Variants in PODNL1 observed in about 807,000 individuals in gnomAD.
The protein encoded by PODNL1 is podocan like 1, also known as podocan-like protein 1.
A neutral mutation model predicts 45.1 loss-of-function variants in PODNL1; 50 were observed. The observed-to-expected ratio is 1.11, with a 90% CI of 0.88 to 1.40. PODNL1 has a LOEUF of 1.40. Ranked by LOEUF, PODNL1 falls within the 40% of genes most tolerant of loss-of-function variation. PODNL1 has a pLI of 0.00. For missense variants in PODNL1, 788 were observed against 793.3 expected (o/e 0.99, Z 0.08); for synonymous variants, 406 against 372.5 (o/e 1.09, Z -1.04).
At chr19:13,944,518 C>T (rs866362822) in intron 1 of PODNL1, among the ~76,000 whole-genome samples, 3 of 151,916 alleles carry the variant, frequency 2.0e-5, no homozygotes, top group Non-Finnish European at 1.5e-5. Flanking sequence ...AGTGCAGTGG[C>T]GGGATCTTTG....
intron 1 of PODNL1, among the ~76,000 whole-genome samples, chr19:13,944,977 T>C (rs774733762): frequency 6.2e-4 from 95 of 152,084 alleles, no homozygotes; most frequent in Non-Finnish European, 1.0e-3. Context: ...GATTTTACCA[T>C]ATTGGTCAGG....
intron 3 of PODNL1, 135 bp downstream of exon 3, chr19:13,936,232 C>T (rs144999444): frequency 0.017 from 17,054 of 1,024,804 alleles, 179 homozygotes; most frequent in Middle Eastern, 0.021. Flanking sequence ...TCCTGAGTTT[C>T]CATCCTGCTC....
intron 2 of PODNL1, 63 bp downstream of exon 2, chr19:13,937,722 T>C: frequency 6.8e-7 from 1 of 1,477,842 alleles, no homozygotes; most frequent in Non-Finnish European, 9.2e-7. Context: ...GGGGCACCCC[T>C]CCAGCTCCCC....
intron 1 of PODNL1, among the ~76,000 whole-genome samples, chr19:13,944,382 C>G (rs571593746): frequency 2.2e-4 from 34 of 151,534 alleles, no homozygotes; most frequent in Non-Finnish European, 4.0e-4. Context: ...CCAGGATGGT[C>G]TTGATCTCCT....
intron 8 of PODNL1, chr19:13,932,367 CT>C (rs940156745): frequency 1.5e-4 from 73 of 485,596 alleles, no homozygotes; most frequent in Middle Eastern, 5.4e-4. Flanking sequence ...TCTTTCATCA[CT>C]TTTTTTTTCA....
In PODNL1 at chr19:13,931,871, T is replaced by C. The variant is rs1435419117; in HGVS notation, c.1591A>G (p.Met531Val). The part of the protein sequence containing the change: ...ALFLRANRLH[M>V]TSIAAEAFLG... ...AAGGCCTCAGCCGCGATGCTCGTCATGTGAAGCCTGTTGGCCCTGCACAGA... is the reference window on the plus strand; with the variant it reads ...AAGGCCTCAGCCGCGATGCTCGTCACGTGAAGCCTGTTGGCCCTGCACAGA... The change falls in exon 10 of 10, where the codon ATG (methionine) becomes GTG (valine). Residue 531 changes from methionine (M) to valine (V), a missense_variant. Met to Val is a conservative substitution (Grantham distance 21, BLOSUM62 1). This residue lies in a region of PODNL1 where 762 missense variants were observed against 750.9 expected (regional missense o/e 1.01). Transcript: ENST00000588872. The C allele has an allele frequency of 1.6e-6, 2 of 1,231,912 alleles. No homozygotes were observed. Among genetic ancestry groups the C allele is most frequent in the Non-Finnish European group, 1.0e-6 (1 of 987,950 alleles). The allele number at this position is 1,231,912 out of a possible 1,614,324, so 76.3% of individuals were successfully genotyped here.
In PODNL1 at chr19:13,933,822, G is replaced by T; in HGVS notation, c.767+56C>A. ...GCCAGTCAGGGAAGGGGGACTGAAG[G>T]TTGGGACCCCCGACTGTAAATTCTC... On this transcript the variant is annotated intron_variant, in intron 7 of 9. Coordinates refer to ENST00000588872, the MANE Select transcript of PODNL1 (RefSeq NM_001370095.3). The surrounding 1 kb of genome is among the most constrained non-coding windows in gnomAD (Gnocchi z 5.2). 1 of 1,456,418 alleles carries T rather than the reference G, an allele frequency of 6.9e-7. No individual in the cohort carries two copies. Among genetic ancestry groups the T allele is most frequent in the Non-Finnish European group, 9.4e-7 (1 of 1,062,042 alleles). The allele number at this position is 1,456,418 out of a possible 1,614,324, so 90.2% of individuals were successfully genotyped here.
At chr19:13,942,237 G>A (rs1972677631), upstream of PODNL1, among the ~76,000 whole-genome samples, 2 of 152,146 alleles carry the variant, frequency 1.3e-5, no homozygotes, top group Admixed American at 6.6e-5. Context: ...AGGCACAGCT[G>A]GATCCAGGGG....
Position 13,931,302 on chromosome 19 carries a change from C to A in PODNL1, c.*435G>T. The A allele has an allele frequency of 6.1e-6, 1 of 163,802 alleles. No homozygotes were observed. Among genetic ancestry groups the A allele is most frequent in the Non-Finnish European group, 1.3e-5 (1 of 76,154 alleles). The allele number at this position is 163,802 out of a possible 1,614,324, so 10.1% of individuals were successfully genotyped here. ...GGCCTTGGGCGTCCCTGCAATCACA[C>A]GTGGCTAGGTCGCACAGGGTGCTGT... On this transcript the variant is annotated 3_prime_UTR_variant, in exon 10 of 10. Transcript: ENST00000588872.
In PODNL1 at chr19:13,933,507, G is replaced by T. The variant is rs776063589; in HGVS notation, c.768-52C>A. 4.6e-6 allele frequency: 7 copies of T among 1,505,550 alleles called. No individual in the cohort carries two copies. The highest frequency in any genetic ancestry group is 1.3e-5 in the South Asian group (1 of 76,746). 93.3% of individuals were successfully genotyped at this position (1,505,550 alleles called of 1,614,324 possible). ...GTGGGGCACTTGGAGTGGGGTGCCT[G>T]ACAGATTTTGGCGGGGAGGCTGGGG... On this transcript the variant is annotated intron_variant, in intron 7 of 9. Transcript: ENST00000588872. This position sits in a 1 kb window ranked among gnomAD's most constrained non-coding sequence, Gnocchi z 5.2.
chr19:13,939,307 G>A (rs1016806611), upstream of PODNL1, among the ~76,000 whole-genome samples: 1 of 152,182 alleles, frequency 6.6e-6, no homozygotes, highest in Non-Finnish European at 1.5e-5. Flanking sequence ...CACCTCCGGG[G>A]TTCAAGTGAT....
intron 5 of PODNL1, among the ~76,000 whole-genome samples, chr19:13,934,769 G>T (rs1972220572): frequency 6.6e-6 from 1 of 151,978 alleles, no homozygotes. Flanking sequence ...CTATGTGCCT[G>T]TGCATAAGTG....
chr19:13,938,070 C>A, intron 1 of PODNL1, 64 bp from the exon 2 acceptor site: 1 of 1,450,054 alleles, frequency 6.9e-7, no homozygotes, highest in South Asian at 1.3e-5. Flanking sequence ...GTGACTGGAG[C>A]ATCCCCTCCT....
chr19:13,936,440 G>A lies in PODNL1; in HGVS notation c.246C>T (p.Leu82=). The part of the protein sequence containing the change: ...LSLQNNQLQE[L]PYNELSRLSG... Reference sequence around the variant, plus strand: ...TGAGGCGGGACAGCTCATTGTAGGGGAGTTCCTGGAGCTGGTTGTTCTGCA... The same window carrying A: ...TGAGGCGGGACAGCTCATTGTAGGGAAGTTCCTGGAGCTGGTTGTTCTGCA... Residue 82 remains leucine, a synonymous_variant, in exon 3 of 10, where the codon CTC becomes CTT. Coordinates refer to ENST00000588872, the MANE Select transcript of PODNL1 (RefSeq NM_001370095.3). 1.2e-6 allele frequency: 2 copies of A among 1,613,346 alleles called. No homozygotes were observed. The highest frequency in any genetic ancestry group is 2.2e-5 in the South Asian group (2 of 91,064).
Position 13,931,831 on chromosome 19 carries a change from T to A in PODNL1, c.1631A>T (p.Asn544Ile). The part of the protein sequence containing the change: ...IAAEAFLGLP[N>I]LRVVDTAGNP... ...CCCTGCCGTGTCCACCACACGCAGG[T>A]TTGGGAGCCCCAGGAAGGCCTCAGC... The change falls in exon 10 of 10, where the codon AAC (asparagine) becomes ATC (isoleucine). Residue 544 changes from asparagine to isoleucine, a missense_variant. Coordinates refer to ENST00000588872, the MANE Select transcript of PODNL1 (RefSeq NM_001370095.3). 2.4e-6 allele frequency: 3 copies of A among 1,231,828 alleles called. No homozygotes were observed. Among genetic ancestry groups the A allele is most frequent in the Non-Finnish European group, 3.0e-6 (3 of 987,896 alleles). 76.3% of individuals were successfully genotyped at this position (1,231,828 alleles called of 1,614,324 possible). A position where few individuals can be genotyped will look rare whatever the true frequency, so the allele number is the denominator to read the frequency against.
rs190473101 is a variant in PODNL1 at position 13,932,124 on chromosome 19, G to C, written c.1426-12C>G. The C allele has an allele frequency of 1.2e-3, 1,534 of 1,234,722 alleles. 5 individuals are homozygous for C. The highest frequency in any genetic ancestry group is 3.4e-3 in the Middle Eastern group (11 of 3,210). The allele number at this position is 1,234,722 out of a possible 1,614,324, so 76.5% of individuals were successfully genotyped here. On this transcript the variant is annotated splice_polypyrimidine_tract_variant and intron_variant, in intron 8 of 9. Transcript: ENST00000588872. The stretch of plus-strand genomic sequence containing the variant: ...CTGAGGTCCAGCATCTGGGCAGGGG[G>C]TTATAGATGGCATCGTGGCAGCCCC...
chr19:13,937,801 T>C lies in PODNL1; in HGVS notation c.209A>G (p.Gln70Arg). 6.3e-7 allele frequency: 1 copy of C among 1,588,416 alleles called. No individual in the cohort carries two copies. The highest frequency in any genetic ancestry group is 2.3e-5 in the East Asian group (1 of 43,966). Reference sequence around the variant, plus strand: ...GGGCCCCACCTGCAGGGAGAGGTGCTGAGCGGCTCTGGTGATGTTGTCCGG... The same window carrying C: ...GGGCCCCACCTGCAGGGAGAGGTGCCGAGCGGCTCTGGTGATGTTGTCCGG... ...VFPDNITRAA[Q>R]HLSLQNNQLQ... The change falls in exon 2 of 10, where the codon CAG becomes CGG. Residue 70 changes from glutamine (Q) to arginine (R), a missense_variant. By Grantham distance (43) the Gln-to-Arg change is conservative. Coordinates refer to ENST00000588872, the MANE Select transcript of PODNL1 (RefSeq NM_001370095.3).
At chr19:13,951,527 C>T (rs1257760591) in intron 1 of PODNL1, among the ~76,000 whole-genome samples, 1 of 152,118 alleles carries the variant, frequency 6.6e-6, no homozygotes, top group African/African-American at 2.4e-5. Flanking sequence ...AATTCCAGCA[C>T]TTTGGGAGGC....
At chr19:13,944,059 C>T (rs369045893) in intron 1 of PODNL1, among the ~76,000 whole-genome samples, 13 of 152,048 alleles carry the variant, frequency 8.5e-5, no homozygotes, top group African/African-American at 3.1e-4. Context: ...TATTGGCTAG[C>T]TCTGGGGGGA....
Sources: allele counts gnomAD v4.1 joint callset (sites outside exome capture counted in the v4.1 genomes callset), GRCh38; gene constraint gnomAD v4.1.1; regional missense constraint gnomAD v4.1.1; non-coding constraint Gnocchi (gnomAD v3.1); transcripts MANE v1.5; gene names NCBI Gene and HGNC (gene_info 2026-07-23, HGNC 2026-07-21).